The following GDA variants were observed in gnomAD, a reference collection of about 807,000 sequenced individuals.
GDA encodes the protein guanine deaminase, also known as cytoplasmic PSD-95 interactor.
GDA carries 18 observed loss-of-function variants against 59.6 expected under a neutral mutation model. The observed-to-expected ratio is 0.30, with a 90% CI of 0.21 to 0.45. The LOEUF (loss-of-function observed/expected upper bound fraction) is 0.45, where lower values mean the gene tolerates loss of function less well. Ranked by LOEUF, GDA falls within the 20% of genes least tolerant of loss-of-function variation. The probability of loss-of-function intolerance (pLI) is 1.00; values close to 1 mark genes in which losing one functional copy is unlikely to be tolerated. For missense variants in GDA, 427 were observed against 552.3 expected (o/e 0.77, Z 2.27); for synonymous variants, 201 against 201.1 (o/e 1.00, Z 0.00).
intron 7 of GDA, among the ~76,000 whole-genome samples, 153 bp downstream of exon 7, chr9:72,223,380 A>G (rs1324683537): frequency 2.0e-5 from 3 of 152,230 alleles, no homozygotes; most frequent in Non-Finnish European, 4.4e-5. Flanking sequence ...CAGGAGAGAA[A>G]GGACCCCTGT....
chr9:72,188,679 G>A (rs942610273), intron 1 of GDA, among the ~76,000 whole-genome samples: 1 of 152,328 alleles, frequency 6.6e-6, no homozygotes, highest in East Asian at 1.9e-4. Flanking sequence ...TGTGGGGTTG[G>A]GGTTAGTGCC....
chr9:72,217,047 T>C (rs1005345735), intron 5 of GDA, among the ~76,000 whole-genome samples: 2 of 152,184 alleles, frequency 1.3e-5, no homozygotes, highest in African/African-American at 4.8e-5. Context: ...AACTAGGTTA[T>C]GATGGTGGTT....
At chr9:72,255,057 G>T (rs1016993387), downstream of GDA, among the ~76,000 whole-genome samples, 3 of 152,166 alleles carry the variant, frequency 2.0e-5, no homozygotes, top group African/African-American at 7.2e-5. Flanking sequence ...GCCCAGGAAG[G>T]TTATCCGGGA....
At chr9:72,227,882 G>C in intron 8 of GDA, 61 bp from the exon 9 acceptor site, 1 of 859,030 alleles carries the variant, frequency 1.2e-6, no homozygotes, top group Non-Finnish European at 2.0e-6. Context: ...TACCTTGTGA[G>C]TGAGTACCCA....
intron 1 of GDA, 145 bp downstream of exon 1, chr9:72,149,827 G>A: frequency 1.2e-6 from 1 of 835,134 alleles, no homozygotes; most frequent in Non-Finnish European, 1.7e-6. Flanking sequence ...TTTGGCTCTT[G>A]GGCAACGCAG....
chr9:72,189,988 AG>A (rs763108931), intron 1 of GDA, among the ~76,000 whole-genome samples: 3 of 152,200 alleles, frequency 2.0e-5, no homozygotes, highest in Non-Finnish European at 4.4e-5. Context: ...CAGTATTAAG[AG>A]GTAGGGCCTT....
chr9:72,205,136 C>T (rs776661133), intron 3 of GDA, among the ~76,000 whole-genome samples: 3 of 134,034 alleles, frequency 2.2e-5, no homozygotes, highest in Non-Finnish European at 4.8e-5. Flanking sequence ...AAAAAAATTG[C>T]GGAGCACATA....
intron 1 of GDA, among the ~76,000 whole-genome samples, chr9:72,121,736 C>T (rs563294009): frequency 1.4e-4 from 22 of 152,340 alleles, no homozygotes; most frequent in African/African-American, 4.1e-4. Flanking sequence ...TATACACTTG[C>T]TATCTCCACT....
rs941775788 is a variant in GDA, at chr9:72,249,448, G to A, written c.*1106G>A. 1 of 857,158 alleles carries A rather than the reference G, an allele frequency of 1.2e-6. No homozygotes were observed. The highest frequency in any genetic ancestry group is 1.8e-5 in the African/African-American group (1 of 54,634). 53.1% of individuals were successfully genotyped at this position (857,158 alleles called of 1,614,324 possible). On this transcript the variant is annotated 3_prime_UTR_variant, in exon 14 of 14. Coordinates refer to ENST00000358399, the MANE Select transcript of GDA (RefSeq NM_004293.5). ...GCACTCTATTTTCTAATTTTATCCA[G>A]TTTTCTGTTTAACTCCTTATAATGT...
At position 72,250,763 on chromosome 9, in the gene GDA, C is replaced by T. The variant is rs1460204903; in HGVS notation, c.*2421C>T. The T allele has an allele frequency of 1.2e-6, 2 of 1,611,046 alleles. No homozygotes were observed. The highest frequency in any genetic ancestry group is 8.5e-7 in the Non-Finnish European group (1 of 1,178,406). ...GCTCTCTGACAGGAAAGAAACAATT[C>T]ACTTACCAGCCTCCTCACCCCATCC... On this transcript the variant is annotated 3_prime_UTR_variant, in exon 14 of 14. Transcript: ENST00000358399.
chr9:72,219,623 A>G, intron 6 of GDA, 117 bp downstream of exon 6: 1 of 656,406 alleles, frequency 1.5e-6, no homozygotes, highest in East Asian at 2.8e-5. Context: ...TGCATGTAGA[A>G]GTATTTACCT....
In GDA at chr9:72,159,724, A is replaced by G. The variant is rs1351788639; in HGVS notation, c.123+10042A>G. 2.0e-5 allele frequency among the ~76,000 whole-genome samples: 3 copies of G among 152,368 alleles called. No individual in the cohort carries two copies. The East Asian group carries it at 5.8e-4, about 29-fold the overall frequency. On this transcript the variant is annotated intron_variant, in intron 1 of 13. Coordinates refer to ENST00000358399, the MANE Select transcript of GDA (RefSeq NM_004293.5). ...ACAAAACACAGTTCTGGAAGAAGAT[A>G]TTAAAATAAAAACTTAAATAATTAC...
chr9:72,180,176 G>A (rs1275492599), intron 1 of GDA, among the ~76,000 whole-genome samples: 1 of 152,082 alleles, frequency 6.6e-6, no homozygotes, highest in Non-Finnish European at 1.5e-5. Context: ...GGTCAACATG[G>A]TGAAACCCCA....
At chr9:72,180,711 A>C (rs977973838) in intron 1 of GDA, among the ~76,000 whole-genome samples, 1 of 152,232 alleles carries the variant, frequency 6.6e-6, no homozygotes, top group Non-Finnish European at 1.5e-5. Context: ...TTTTACACAC[A>C]TCTAAGCAGT....
upstream of GDA, among the ~76,000 whole-genome samples, chr9:72,145,546 T>A (rs1183891643): frequency 6.6e-6 from 1 of 152,206 alleles, no homozygotes; most frequent in Non-Finnish European, 1.5e-5. Context: ...CAAAAAGGAC[T>A]GACTGACTAA....
intron 1 of GDA, among the ~76,000 whole-genome samples, chr9:72,177,598 A>T (rs1442469232): frequency 1.1e-4 from 16 of 152,220 alleles, no homozygotes; most frequent in Non-Finnish European, 2.4e-4. Flanking sequence ...AAACAAAAAC[A>T]TCAATAGTAG....
chr9:72,143,881 T>C (rs1026314686), intron 1 of GDA, among the ~76,000 whole-genome samples: 2 of 152,140 alleles, frequency 1.3e-5, no homozygotes, highest in African/African-American at 4.8e-5. Context: ...TCTTATAAAA[T>C]AAACATATGC....
chr9:72,173,489 C>G (rs1366444468), intron 1 of GDA, among the ~76,000 whole-genome samples: 2 of 152,016 alleles, frequency 1.3e-5, no homozygotes, highest in African/African-American at 4.8e-5. Flanking sequence ...TGCCACCACG[C>G]CCGGCTAATT....
At chr9:72,169,246 C>T (rs35587485) in intron 1 of GDA, among the ~76,000 whole-genome samples, 4,183 of 152,206 alleles carry the variant, frequency 0.027, 66 homozygotes, top group Middle Eastern at 0.048. Context: ...TGGCTAGCAT[C>T]TTTATACAGG....
Sources: gnomAD v4.1 joint callset for allele counts (sites outside exome capture counted in the v4.1 genomes callset) on GRCh38, gnomAD v4.1.1 for gene constraint, MANE v1.5 for transcripts, NCBI Gene and HGNC (gene_info 2026-07-23, HGNC 2026-07-21) for gene names.